Variants in NRG3 observed in about 807,000 individuals in gnomAD.
NRG3 encodes the protein neuregulin 3, also known as pro-neuregulin-3, membrane-bound isoform.
A neutral mutation model predicts 66.9 loss-of-function variants in NRG3; 31 were observed. The ratio of observed to expected loss-of-function variants is 0.46; its 90% CI spans 0.35 to 0.63. The LOEUF (loss-of-function observed/expected upper bound fraction) is 0.63, where lower values mean the gene tolerates loss of function less well. Ranked by LOEUF, NRG3 falls within the 20% of genes least tolerant of loss-of-function variation. The pLI is 0.00. For missense variants in NRG3, 910 were observed against 878.9 expected, an observed-to-expected ratio of 1.04 and a Z score of -0.45; for synonymous variants, 393 against 359.4, an observed-to-expected ratio of 1.09 and a Z score of -1.06.
intron 2 of NRG3, among the ~76,000 whole-genome samples, chr10:82,631,419 C>G (rs2133726030): frequency 6.6e-6 from 1 of 152,204 alleles, no homozygotes; most frequent in South Asian, 2.1e-4. Context: ...TCATGAGAAC[C>G]CTTGGGTCTA....
At chr10:82,616,918 A>G (rs2048690356) in intron 2 of NRG3, among the ~76,000 whole-genome samples, 1 of 152,158 alleles carries the variant, frequency 6.6e-6, no homozygotes, top group Non-Finnish European at 1.5e-5. Context: ...ATAAGGCAGG[A>G]ATTATTTTTA....
At chr10:82,080,656 G>A (rs957402061) in intron 1 of NRG3, among the ~76,000 whole-genome samples, 1 of 152,134 alleles carries the variant, frequency 6.6e-6, no homozygotes, top group African/African-American at 2.4e-5. Flanking sequence ...GCATGAGGAA[G>A]ACCAATTTCT....
At chr10:82,458,660 A>C (rs1049033216) in intron 2 of NRG3, among the ~76,000 whole-genome samples, 1 of 152,218 alleles carries the variant, frequency 6.6e-6, no homozygotes, top group African/African-American at 2.4e-5. Context: ...ACCTTGGAGT[A>C]AGATAGACCT....
intron 1 of NRG3, among the ~76,000 whole-genome samples, chr10:82,342,704 C>A (rs1217014486): frequency 6.6e-6 from 1 of 152,028 alleles, no homozygotes; most frequent in Non-Finnish European, 1.5e-5. Context: ...AATATTTTCC[C>A]ATTCTGTAGG....
intron 1 of NRG3, among the ~76,000 whole-genome samples, chr10:82,235,789 C>T (rs1212567726): frequency 1.3e-5 from 2 of 152,150 alleles, no homozygotes; most frequent in East Asian, 3.9e-4. Context: ...AGTTGGGATT[C>T]TGCCTCTTTT....
intron 4 of NRG3, among the ~76,000 whole-genome samples, chr10:82,932,529 T>C (rs186207592): frequency 1.8e-4 from 28 of 152,246 alleles, no homozygotes; most frequent in African/African-American, 6.3e-4. Flanking sequence ...CCTGAGCTAG[T>C]AGTGTATGTG....
At chr10:81,952,717 C>T (rs201367404) in intron 1 of NRG3, among the ~76,000 whole-genome samples, 1 of 152,086 alleles carries the variant, frequency 6.6e-6, no homozygotes, top group East Asian at 1.9e-4. Context: ...GATCCTTCCA[C>T]CTCAGCCTCC....
rs1339867083 is a variant in NRG3, at chr10:82,344,050, GCTTT to G, written c.824-14688_824-14685del. Among the ~76,000 whole-genome samples the G allele has an allele frequency of 3.4e-5, 5 of 147,048 alleles. No individual in the cohort carries two copies. The East Asian group carries it at 8.0e-4, about 23-fold the overall frequency. ...ACATAAATTCTCATTTAAAAAAACT[GCTTT>G]TTTTTTCTTTCTTTTTTTTTTATTA... On this transcript the variant is annotated intron_variant, in intron 1 of 8. Transcript: ENST00000372141.
At chr10:81,974,084 A>G (rs1289420942) in intron 1 of NRG3, among the ~76,000 whole-genome samples, 2 of 152,148 alleles carry the variant, frequency 1.3e-5, no homozygotes, top group African/African-American at 2.4e-5. Flanking sequence ...TAATTTTTGT[A>G]TATGGTATAT....
chr10:82,268,363 G>T (rs184796388), intron 1 of NRG3, among the ~76,000 whole-genome samples: 132 of 152,100 alleles, frequency 8.7e-4, no homozygotes, highest in African/African-American at 2.9e-3. Context: ...CAGTGTGGCT[G>T]GTCTGAAACT....
intron 2 of NRG3, among the ~76,000 whole-genome samples, chr10:82,564,139 C>T (rs895540596): frequency 6.6e-5 from 10 of 152,222 alleles, no homozygotes; most frequent in Admixed American, 5.2e-4. Flanking sequence ...TAAAATCTCA[C>T]AGATCACTTT....
At chr10:82,350,675 T>G (rs1404186693) in intron 1 of NRG3, among the ~76,000 whole-genome samples, 1 of 152,060 alleles carries the variant, frequency 6.6e-6, no homozygotes, top group Non-Finnish European at 1.5e-5. Context: ...ATTCATAGAG[T>G]CTAAAAGTCG....
chr10:82,026,799 T>G lies in NRG3; in HGVS notation c.823+150636T>G, dbSNP rs573516356. ...AGTTCAGTGAATACTGTCATCATTT[T>G]CATAATAACTTTAAGGTTTATTACA... On this transcript the variant is annotated intron_variant, in intron 1 of 8. Coordinates refer to ENST00000372141, the MANE Select transcript of NRG3 (RefSeq NM_001010848.4). Among the ~76,000 whole-genome samples, 17 of 152,134 alleles carry G rather than the reference T, an allele frequency of 1.1e-4. No homozygotes were observed. The South Asian group carries it at 3.5e-3, about 32-fold the overall frequency.
chr10:82,149,272 A>T (rs1377696249), intron 1 of NRG3, among the ~76,000 whole-genome samples: 1 of 152,120 alleles, frequency 6.6e-6, no homozygotes, highest in African/African-American at 2.4e-5. Flanking sequence ...CAGTTATAAA[A>T]ATAACACTTA....
intron 2 of NRG3, among the ~76,000 whole-genome samples, chr10:82,565,635 C>A (rs2045353386): frequency 1.3e-5 from 2 of 152,082 alleles, no homozygotes; most frequent in African/African-American, 4.8e-5. Flanking sequence ...CTACCACTCT[C>A]AGGCTTGGTT....
intron 1 of NRG3, among the ~76,000 whole-genome samples, chr10:82,090,439 A>C (rs2065959458): frequency 6.6e-6 from 1 of 152,218 alleles, no homozygotes; most frequent in Admixed American, 6.5e-5. Flanking sequence ...ATTAAGAATA[A>C]ATTTTTAAAA....
At chr10:82,041,519 A>G (rs948241108) in intron 1 of NRG3, among the ~76,000 whole-genome samples, 1 of 151,982 alleles carries the variant, frequency 6.6e-6, no homozygotes, top group African/African-American at 2.4e-5. Flanking sequence ...GCCCAAAGCC[A>G]CCTTTGGGAG....
intron 5 of NRG3, among the ~76,000 whole-genome samples, chr10:82,952,543 A>T (rs1428409802): frequency 6.8e-6 from 1 of 147,726 alleles, no homozygotes; most frequent in Non-Finnish European, 1.5e-5. Flanking sequence ...GAACTCTGGT[A>T]GACGTATTTC....
chr10:82,750,944 G>T (rs1334355675), intron 3 of NRG3, among the ~76,000 whole-genome samples: 1 of 152,136 alleles, frequency 6.6e-6, no homozygotes, highest in East Asian at 1.9e-4. Context: ...TCAAAAGATG[G>T]ATGCATAATT....
Sources: gnomAD v4.1 joint callset for allele counts (sites outside exome capture counted in the v4.1 genomes callset) on GRCh38, gnomAD v4.1.1 for gene constraint, MANE v1.5 for transcripts, NCBI Gene and HGNC (gene_info 2026-07-23, HGNC 2026-07-21) for gene names.